The following RGS3 variants were observed in gnomAD, a reference collection of about 807,000 sequenced individuals.
The protein encoded by RGS3 is regulator of G protein signaling 3.
A neutral mutation model predicts 132.6 loss-of-function variants in RGS3; 80 were observed. The observed-to-expected ratio is 0.60, with a 90% CI of 0.50 to 0.73. The LOEUF (loss-of-function observed/expected upper bound fraction) is 0.73, where lower values mean the gene tolerates loss of function less well. Among genes scored for constraint, RGS3 ranks in the 30% least tolerant of loss-of-function variants. RGS3 has a pLI of 0.00. For missense variants in RGS3, 1,382 were observed against 1,530.8 expected, an observed-to-expected ratio of 0.90 and a Z score of 1.62; for synonymous variants, 598 against 620.6, an observed-to-expected ratio of 0.96 and a Z score of 0.54.
chr9:113,447,848 CTTTT>C (rs1350413411), intron 1 of RGS3, among the ~76,000 whole-genome samples: 1 of 129,478 alleles, frequency 7.7e-6, no homozygotes, highest in Admixed American at 7.9e-5. Context: ...TACCCCTAGT[CTTTT>C]TTTTTTTTTT....
In RGS3 at chr9:113,463,627, C is replaced by A; in HGVS notation, c.415+1426C>A. 8.1e-7 allele frequency: 1 copy of A among 1,228,578 alleles called. No homozygotes were observed. Among genetic ancestry groups the A allele is most frequent in the Non-Finnish European group, 1.1e-6 (1 of 947,956 alleles). The allele number at this position is 1,228,578 out of a possible 1,614,324, so 76.1% of individuals were successfully genotyped here. On this transcript the variant is annotated intron_variant, in intron 3 of 24. Transcript: ENST00000350696. This position sits in a 1 kb window ranked among gnomAD's most constrained non-coding sequence, Gnocchi z 4.6. ...CAGCTCTGCTCCGGCAGGTGGAACT[C>A]TCCCCATTCAAACCCGCGCGGGCCA...
At position 113,483,074 on chromosome 9, in the gene RGS3, G is replaced by A. The variant is rs148356011; in HGVS notation, c.482G>A (p.Gly161Asp). ...TCTCTTTTAGTTATAGAAGGTAAAGGCCTGATCAGCAAACAGCCTGGCACC... is the reference window on the plus strand; with the variant it reads ...TCTCTTTTAGTTATAGAAGGTAAAGACCTGATCAGCAAACAGCCTGGCACC... The change falls in exon 5 of 25, where the codon GGC becomes GAC. Residue 161 changes from glycine to aspartate, a missense_variant. By Grantham distance (94) the Gly-to-Asp change is moderately conservative. Coordinates refer to ENST00000350696, the Ensembl canonical transcript of RGS3. 3 of 1,614,038 alleles carry A rather than the reference G, an allele frequency of 1.9e-6. No homozygotes were observed. In the Admixed American group the frequency reaches 5.0e-5, roughly 27 times the overall value.
chr9:113,459,913 A>G (rs185681351), upstream of RGS3, among the ~76,000 whole-genome samples: 1 of 151,374 alleles, frequency 6.6e-6, no homozygotes, highest in African/African-American at 2.4e-5. Context: ...GGTAGTGTAC[A>G]CCTGTAATCT....
exon 20 of RGS3, chr9:113,583,503 G>C: frequency 6.2e-7 from 1 of 1,614,222 alleles, no homozygotes; most frequent in Non-Finnish European, 8.5e-7. Context: ...AGGAAGGGAA[G>C]GGGCCTGGTG....
chr9:113,536,353 G>A (rs1832674189), intron 18 of RGS3: 4 of 384,568 alleles, frequency 1.0e-5, no homozygotes, highest in Non-Finnish European at 1.4e-5. Context: ...GATCAGAGAA[G>A]AGCGCTGTGA....
rs145320676 is a variant in RGS3, at chr9:113,594,216, G to C, written c.3081-214G>C. The C allele has an allele frequency of 1.9e-6, 3 of 1,612,780 alleles. No individual in the cohort carries two copies. In the African/African-American group the frequency reaches 4.0e-5, roughly 22 times the overall value. The stretch of plus-strand genomic sequence containing the variant: ...GCCCAGGACGCGGGGTGGGGGACAG[G>C]AGCCAGAGTGGTGCCTCCTACAGAC... On this transcript the variant is annotated intron_variant, in intron 21 of 24. Coordinates refer to ENST00000350696, the Ensembl canonical transcript of RGS3.
At chr9:113,574,091 A>G (rs1834405487) in intron 19 of RGS3, among the ~76,000 whole-genome samples, 1 of 152,244 alleles carries the variant, frequency 6.6e-6, no homozygotes, top group Non-Finnish European at 1.5e-5. Flanking sequence ...CAACTGTCAC[A>G]GTGTGTGGCA....
At chr9:113,593,781 C>A in intron 21 of RGS3, 5 of 802,024 alleles carry the variant, frequency 6.2e-6, no homozygotes, top group South Asian at 5.2e-5. Context: ...TGGGGACCGG[C>A]AAGGCTAAAA....
At chr9:113,589,505 T>C (rs1057132305) in intron 20 of RGS3, among the ~76,000 whole-genome samples, 20 of 152,290 alleles carry the variant, frequency 1.3e-4, no homozygotes, top group African/African-American at 4.8e-4. Flanking sequence ...GAAGAGCCCA[T>C]TTCCCAGCAG....
intron 24 of RGS3, 95 bp downstream of exon 22, chr9:113,595,860 A>G: frequency 7.3e-7 from 1 of 1,376,304 alleles, no homozygotes; most frequent in Non-Finnish European, 1.0e-6. Context: ...GGAAGGGGAG[A>G]GGCCAGAATG....
intron 10 of RGS3, among the ~76,000 whole-genome samples, chr9:113,498,638 G>A (rs1459004548): frequency 6.6e-6 from 1 of 152,206 alleles, no homozygotes; most frequent in Non-Finnish European, 1.5e-5. Context: ...TACTTGGCCA[G>A]GTGTGGTGGC....
chr9:113,517,654 G>A (rs1003516930), intron 16 of RGS3, 30 bp downstream of exon 14: 4 of 1,578,612 alleles, frequency 2.5e-6, no homozygotes, highest in Non-Finnish European at 3.5e-6. Context: ...TTTTTAGGGG[G>A]CTTTCTGGGT....
At position 113,596,374 on chromosome 9, in the gene RGS3, C is replaced by G. The variant is rs138631671; in HGVS notation, c.3412-394C>G. ...TGCCTACTGTGTGCCAGGCACTATG[C>G]GCAAAGCACATTATATGGATGATCT... On this transcript the variant is annotated intron_variant, in intron 24 of 24. Coordinates refer to ENST00000350696, the Ensembl canonical transcript of RGS3. Among the ~76,000 whole-genome samples, 575 of 152,322 alleles carry G rather than the reference C, an allele frequency of 3.8e-3. 1 individual carries two copies. Among genetic ancestry groups the G allele is most frequent in the Non-Finnish European group, 5.1e-3 (345 of 68,024 alleles).
chr9:113,584,532 T>G lies in RGS3; in HGVS notation c.3015+105T>G. The G allele has an allele frequency of 3.1e-6, 4 of 1,279,080 alleles. No homozygotes were observed. In the South Asian group the frequency reaches 6.5e-5, roughly 21 times the overall value. 79.2% of individuals were successfully genotyped at this position (1,279,080 alleles called of 1,614,324 possible). On this transcript the variant is annotated intron_variant, in intron 20 of 24. Transcript: ENST00000350696. ...TCACCATGTTCCACCCCCACTATCC[T>G]GGCAGCCTCCCAGCGAACTTTCCAC...
intron 19 of RGS3, among the ~76,000 whole-genome samples, chr9:113,543,686 A>G (rs1275916096): frequency 6.6e-6 from 1 of 152,156 alleles, no homozygotes. Flanking sequence ...CTGGTGACCT[A>G]CCTCTGTCTA....
rs573408720 is a variant in RGS3, at chr9:113,484,543, T to G, written c.620+311T>G. Among the ~76,000 whole-genome samples the G allele has an allele frequency of 5.3e-5, 8 of 152,290 alleles. No individual in the cohort carries two copies. The East Asian group carries it at 1.5e-3, about 29-fold the overall frequency. ...AGTGTAGGCAATTTCCCACTGTGCC[T>G]TGGGCCAAGCTTTCTCCTTTAGCCG... is the stretch of plus-strand genomic sequence containing the variant. On this transcript the variant is annotated intron_variant, in intron 6 of 24. Transcript: ENST00000350696.
exon 19 of RGS3, chr9:113,536,899 C>G (rs998239400): frequency 6.2e-7 from 1 of 1,614,078 alleles, no homozygotes; most frequent in Non-Finnish European, 8.5e-7. Context: ...CAGCTGGCAG[C>G]ATCACCCCCG....
chr9:113,458,279 T>A (rs531432552), upstream of RGS3, among the ~76,000 whole-genome samples: 124 of 152,354 alleles, frequency 8.1e-4, no homozygotes, highest in Non-Finnish European at 1.5e-3. Context: ...TCTTTAACTT[T>A]AAAAATTTTC....
Position 113,506,480 on chromosome 9 carries a change from G to A in RGS3, c.1072G>A (p.Ala358Thr), listed in dbSNP as rs1360485616. ...GGAGCACTGGAAATGTGTGGAGCTGGCCCACGAGATCCGGTGACAGGGGAC... is the reference window on the plus strand; with the variant it reads ...GGAGCACTGGAAATGTGTGGAGCTGACCCACGAGATCCGGTGACAGGGGAC... The change falls in exon 12 of 25, where the codon GCC becomes ACC. Residue 358 changes from alanine (A) to threonine (T), a missense_variant. Physicochemically the swap from Ala to Thr is moderately conservative, Grantham distance 58. Transcript: ENST00000350696. The surrounding 1 kb of genome is among the most constrained non-coding windows in gnomAD (Gnocchi z 4.7). 6.3e-7 allele frequency: 1 copy of A among 1,591,052 alleles called. No homozygotes were observed. Among genetic ancestry groups the A allele is most frequent in the Non-Finnish European group, 8.5e-7 (1 of 1,169,694 alleles).
Sources: gnomAD v4.1 joint callset for allele counts (sites outside exome capture counted in the v4.1 genomes callset) on GRCh38, gnomAD v4.1.1 for gene constraint, Gnocchi (gnomAD v3.1) non-coding constraint, MANE v1.5 for transcripts, NCBI Gene and HGNC (gene_info 2026-07-23, HGNC 2026-07-21) for gene names.